The following RB1CC1 variants were observed in gnomAD, a reference collection of about 807,000 sequenced individuals.
RB1CC1 encodes the protein RB1 inducible coiled-coil 1.
Under a neutral mutation model 177.5 loss-of-function variants are expected in RB1CC1, and 46 were observed. The observed-to-expected ratio is 0.26, with a 90% CI of 0.20 to 0.33. The LOEUF is 0.33. RB1CC1 is among the 10% of genes least tolerant of loss of function. The pLI, the probability that RB1CC1 is intolerant of heterozygous loss-of-function variation, is 1.00. For missense variants in RB1CC1, 1,703 were observed against 1,816.3 expected (o/e 0.94, Z 1.13); for synonymous variants, 666 against 613.6 (o/e 1.09, Z -1.26).
intron 15 of RB1CC1, among the ~76,000 whole-genome samples, chr8:52,648,900 C>T (rs565357049): frequency 6.6e-5 from 10 of 152,198 alleles, no homozygotes; most frequent in African/African-American, 1.9e-4. Flanking sequence ...TACTCTTGTG[C>T]TTTGGAGCCA....
At chr8:52,659,126 A>T (rs1367691324) in intron 12 of RB1CC1, 150 bp from the exon 13 acceptor site, 11 of 476,994 alleles carry the variant, frequency 2.3e-5, no homozygotes, top group Admixed American at 4.2e-5. Flanking sequence ...ACCATTCAAT[A>T]AAGATATGGC....
intron 8 of RB1CC1, 47 bp downstream of exon 8, chr8:52,667,973 CA>C (rs749738068): frequency 1.3e-5 from 20 of 1,562,976 alleles, no homozygotes; most frequent in African/African-American, 1.4e-5. Context: ...AACATGTGTA[CA>C]AAAAAACTAT....
intron 1 of RB1CC1, among the ~76,000 whole-genome samples, chr8:52,709,906 A>C (rs1012114915): frequency 1.3e-5 from 2 of 152,232 alleles, no homozygotes; most frequent in African/African-American, 2.4e-5. Context: ...AGGTGCCTGG[A>C]ATACAAATAT....
chr8:52,668,001 G>A lies in RB1CC1; in HGVS notation c.1173+20C>T. The A allele has an allele frequency of 2.5e-6, 4 of 1,586,230 alleles. No individual in the cohort carries two copies. Among genetic ancestry groups the A allele is most frequent in the Non-Finnish European group, 3.4e-6 (4 of 1,167,028 alleles). On this transcript the variant is annotated intron_variant, in intron 8 of 23. Coordinates refer to ENST00000025008, the MANE Select transcript of RB1CC1 (RefSeq NM_014781.5). Reference sequence around the variant, plus strand: ...AAAAACTATAAATTCCTTTTCCTGAGAAAAGTCTAAAATAGGTACCTGAGC... The same window carrying A: ...AAAAACTATAAATTCCTTTTCCTGAAAAAAGTCTAAAATAGGTACCTGAGC...
chr8:52,630,354 G>T, intron 21 of RB1CC1, 116 bp downstream of exon 21: 1 of 1,282,898 alleles, frequency 7.8e-7, no homozygotes. Flanking sequence ...ACTACTGAGT[G>T]CAAAACACTC....
chr8:52,689,881 G>A (rs902404232), intron 1 of RB1CC1, among the ~76,000 whole-genome samples: 1 of 152,032 alleles, frequency 6.6e-6, no homozygotes, highest in African/African-American at 2.4e-5. Context: ...GCAGTGAGCT[G>A]GGATCGTACC....
At chr8:52,653,187 G>T (rs892411688) in intron 15 of RB1CC1, among the ~76,000 whole-genome samples, 3 of 152,182 alleles carry the variant, frequency 2.0e-5, no homozygotes, top group Admixed American at 2.0e-4. Context: ...CAGAGAATAT[G>T]TTCTTTACCA....
intron 20 of RB1CC1, among the ~76,000 whole-genome samples, chr8:52,632,396 C>T (rs1848827715): frequency 6.6e-6 from 1 of 152,142 alleles, no homozygotes; most frequent in African/African-American, 2.4e-5. Flanking sequence ...AATAACACAA[C>T]AAATAATAAC....
In RB1CC1 at chr8:52,668,152, G is replaced by C. The variant is rs148134800; in HGVS notation, c.1042C>G (p.Arg348Gly). 1 of 1,613,874 alleles carries C rather than the reference G, an allele frequency of 6.2e-7. No individual in the cohort carries two copies. Among genetic ancestry groups the C allele is most frequent in the Non-Finnish European group, 8.5e-7 (1 of 1,179,958 alleles). ...TTATCAAGTTTGGCAATAGTTTGAC[G>C]GCATTCTGCTATAAATGGTCGAATA... is the stretch of plus-strand genomic sequence containing the variant. Reference protein sequence around the residue: ...RIIRPFIAECRQTIAKLDNQN... With the variant: ...RIIRPFIAECGQTIAKLDNQN... Residue 348 changes from arginine to glycine, a missense_variant, in exon 8 of 24, where the codon CGT (arginine) becomes GGT (glycine). Transcript: ENST00000025008.
At chr8:52,629,530 C>T (rs747373176) in intron 21 of RB1CC1, among the ~76,000 whole-genome samples, 2 of 152,086 alleles carry the variant, frequency 1.3e-5, no homozygotes, top group African/African-American at 4.8e-5. Flanking sequence ...CCTGAAAGAC[C>T]GGTTCAGGCC....
chr8:52,705,485 C>A (rs1210131537), intron 1 of RB1CC1, among the ~76,000 whole-genome samples: 2 of 152,178 alleles, frequency 1.3e-5, no homozygotes, highest in African/African-American at 4.8e-5. Context: ...TCCACTGGCA[C>A]ATTTCTGACA....
At chr8:52,676,620 T>C (rs1477504039) in intron 5 of RB1CC1, 49 bp from the exon 6 acceptor site, 11 of 1,486,894 alleles carry the variant, frequency 7.4e-6, no homozygotes, top group South Asian at 4.7e-5. Context: ...CAATGGTTTG[T>C]TTGCAGAAGT....
rs75163127 is a variant in RB1CC1 at position 52,691,946 on chromosome 8, T to C, written c.-166-4979A>G. On this transcript the variant is annotated intron_variant, in intron 1 of 23. Transcript: ENST00000025008. ...ATCATTGCTAATACTTATTGAGTTA[T>C]TCATTGTATACCACTCATAATGCTA... 8.0e-4 allele frequency among the ~76,000 whole-genome samples: 122 copies of C among 152,364 alleles called. 1 individual carries two copies. The highest frequency in any genetic ancestry group is 2.8e-3 in the African/African-American group (116 of 41,586).
rs1021224807 is a variant in RB1CC1, at chr8:52,657,337, C to T, written c.2492G>A (p.Cys831Tyr). ...ACATTTTAATGAATTTGAGAAGTCACACTGTTCTTTTTGTACAAATGTTCT... is the reference window on the plus strand; with the variant it reads ...ACATTTTAATGAATTTGAGAAGTCATACTGTTCTTTTTGTACAAATGTTCT... ...HFRTFVQKEQ[C>Y]DFSNSLKCTA... Residue 831 changes from cysteine to tyrosine, a missense_variant, in exon 15 of 24, where the codon TGT (cysteine) becomes TAT (tyrosine). This residue lies in a region of RB1CC1 where 1,169 missense variants were observed against 1,184.7 expected (regional missense o/e 0.99). Coordinates refer to ENST00000025008, the MANE Select transcript of RB1CC1 (RefSeq NM_014781.5). 4 of 1,613,570 alleles carry T rather than the reference C, an allele frequency of 2.5e-6. No individual in the cohort carries two copies. The South Asian group carries it at 3.3e-5, about 13-fold the overall frequency.
chr8:52,666,511 T>A (rs1852080724), intron 8 of RB1CC1, among the ~76,000 whole-genome samples: 1 of 141,754 alleles, frequency 7.1e-6, no homozygotes, highest in African/African-American at 2.5e-5. Context: ...AGAGCGAAAC[T>A]TCCTCTCAAA....
At chr8:52,696,758 T>C (rs998892475) in intron 1 of RB1CC1, among the ~76,000 whole-genome samples, 1 of 152,182 alleles carries the variant, frequency 6.6e-6, no homozygotes, top group Non-Finnish European at 1.5e-5. Context: ...ATTCTAGCAC[T>C]TTGGGAGGCC....
intron 1 of RB1CC1, among the ~76,000 whole-genome samples, chr8:52,708,832 G>T (rs935530895): frequency 1.3e-5 from 2 of 152,180 alleles, no homozygotes; most frequent in Non-Finnish European, 2.9e-5. Context: ...TGATGCGGTA[G>T]TAGCCCGTGA....
In RB1CC1 at chr8:52,683,731, A is replaced by T. The variant is rs763923170; in HGVS notation, c.199-12T>A. 18 of 1,562,790 alleles carry T rather than the reference A, an allele frequency of 1.2e-5. No homozygotes were observed. Among genetic ancestry groups the T allele is most frequent in the South Asian group, 2.4e-5 (2 of 84,256 alleles). ...ATTGGATTTGTATCCTATATTTTTT[A>T]AAAAAGGAGAAATAACCAAAATAAA... is the stretch of plus-strand genomic sequence containing the variant. On this transcript the variant is annotated splice_polypyrimidine_tract_variant and intron_variant, in intron 4 of 23. Transcript: ENST00000025008.
rs528381206 is a variant in RB1CC1 at position 52,714,115 on chromosome 8, C to T, written c.-207G>A. ...CCTTCGCCGGCGGCAGCAGCAGAGC[C>T]AGCGACCCCCGGCACCATCTTCCGC... On this transcript the variant is annotated 5_prime_UTR_variant, in exon 1 of 24. Transcript: ENST00000025008. The T allele has an allele frequency of 2.7e-4, 94 of 349,014 alleles. No individual in the cohort carries two copies. The highest frequency in any genetic ancestry group is 1.9e-3 in the African/African-American group (87 of 44,666). 21.6% of individuals were successfully genotyped at this position (349,014 alleles called of 1,614,324 possible).
Sources: gnomAD v4.1 joint callset for allele counts (sites outside exome capture counted in the v4.1 genomes callset) on GRCh38, gnomAD v4.1.1 for gene constraint, gnomAD v4.1.1 regional missense constraint, MANE v1.5 for transcripts, NCBI Gene and HGNC (gene_info 2026-07-23, HGNC 2026-07-21) for gene names.